Variants in L3MBTL4 observed in about 807,000 individuals in gnomAD.
The protein encoded by L3MBTL4 is lethal(3)malignant brain tumor-like protein 4.
A neutral mutation model predicts 84.5 loss-of-function variants in L3MBTL4; 70 were observed. The observed-to-expected ratio is 0.83, with a 90% CI of 0.68 to 1.01. The LOEUF is 1.01. Ranked by LOEUF, L3MBTL4 falls within the 50% of genes least tolerant of loss-of-function variation. The pLI is 0.00. For missense variants in L3MBTL4, 715 were observed against 754.8 expected (o/e 0.95, Z 0.62); for synonymous variants, 274 against 259.8 (o/e 1.05, Z -0.52).
intron 12 of L3MBTL4, among the ~76,000 whole-genome samples, chr18:6,181,771 C>T (rs1024279954): frequency 2.6e-5 from 4 of 152,120 alleles, no homozygotes; most frequent in African/African-American, 9.7e-5. Flanking sequence ...ATTTGTTTTT[C>T]GGTTTCTATA....
At chr18:6,402,006 C>T (rs1320635308) in intron 1 of L3MBTL4, among the ~76,000 whole-genome samples, 1 of 152,212 alleles carries the variant, frequency 6.6e-6, no homozygotes, top group East Asian at 1.9e-4. Flanking sequence ...TTCTCTAAGC[C>T]CATAGCTTCA....
chr18:6,150,384 T>G (rs1180499000), intron 13 of L3MBTL4, among the ~76,000 whole-genome samples: 1 of 152,096 alleles, frequency 6.6e-6, no homozygotes, highest in Non-Finnish European at 1.5e-5. Context: ...AAGCTGCTTT[T>G]GGGCATTCTT....
intron 13 of L3MBTL4, among the ~76,000 whole-genome samples, chr18:6,161,947 C>A (rs1281277944): frequency 2.7e-5 from 4 of 149,814 alleles, no homozygotes; most frequent in African/African-American, 7.3e-5. Flanking sequence ...ATATATATAT[C>A]TAAGAAAGCT....
At chr18:6,391,417 C>A (rs1399510811) in intron 1 of L3MBTL4, among the ~76,000 whole-genome samples, 1 of 151,912 alleles carries the variant, frequency 6.6e-6, no homozygotes, top group East Asian at 1.9e-4. Context: ...CCCATGAGAC[C>A]AGAACAAGAC....
chr18:5,970,719 GT>G (rs1293991493), intron 16 of L3MBTL4, among the ~76,000 whole-genome samples: 1 of 152,204 alleles, frequency 6.6e-6, no homozygotes, highest in Non-Finnish European at 1.5e-5. Flanking sequence ...ATAATTTAAG[GT>G]CTATTATGAT....
At chr18:6,180,704 A>G (rs1464316993) in intron 12 of L3MBTL4, among the ~76,000 whole-genome samples, 1 of 152,244 alleles carries the variant, frequency 6.6e-6, no homozygotes, top group Non-Finnish European at 1.5e-5. Flanking sequence ...AAATTTATTA[A>G]GCAAAATATG....
chr18:6,311,072 G>A (rs1455680284), intron 3 of L3MBTL4, among the ~76,000 whole-genome samples: 1 of 152,104 alleles, frequency 6.6e-6, no homozygotes, highest in African/African-American at 2.4e-5. Flanking sequence ...TTTCAGACGT[G>A]TCAGCCCCCA....
chr18:6,257,560 T>C (rs1771368588), intron 5 of L3MBTL4, among the ~76,000 whole-genome samples: 1 of 152,194 alleles, frequency 6.6e-6, no homozygotes, highest in Admixed American at 6.5e-5. Context: ...GGGACATTAT[T>C]TTTTCATAAA....
At chr18:6,278,616 C>T (rs1256165923) in intron 4 of L3MBTL4, among the ~76,000 whole-genome samples, 1 of 152,050 alleles carries the variant, frequency 6.6e-6, no homozygotes. Flanking sequence ...AAACTTTCAC[C>T]TTTTTCTGTG....
chr18:6,214,439 GTTTCA>G (rs1417455604), intron 11 of L3MBTL4, among the ~76,000 whole-genome samples: 3 of 152,156 alleles, frequency 2.0e-5, no homozygotes, highest in Non-Finnish European at 4.4e-5. Flanking sequence ...TTGGCAAAAA[GTTTCA>G]CTTTGAAAGC....
At chr18:6,095,691 A>G (rs1388238520) in intron 14 of L3MBTL4, among the ~76,000 whole-genome samples, 1 of 152,142 alleles carries the variant, frequency 6.6e-6, no homozygotes, top group Non-Finnish European at 1.5e-5. Context: ...GAAAATATGA[A>G]GGAAACCATA....
intron 1 of L3MBTL4, among the ~76,000 whole-genome samples, chr18:6,362,380 C>T (rs748415663): frequency 6.6e-5 from 10 of 152,142 alleles, no homozygotes; most frequent in Non-Finnish European, 1.5e-4. Flanking sequence ...GAGACCAGCA[C>T]TAGGAGAGCT....
intron 1 of L3MBTL4, among the ~76,000 whole-genome samples, chr18:6,400,923 T>C (rs2055485429): frequency 6.6e-6 from 1 of 152,146 alleles, no homozygotes; most frequent in Admixed American, 6.5e-5. Flanking sequence ...TAACTCGTGT[T>C]CTCTTCTTGA....
At chr18:6,349,851 G>C (rs773594928) in intron 1 of L3MBTL4, among the ~76,000 whole-genome samples, 1 of 152,182 alleles carries the variant, frequency 6.6e-6, no homozygotes, top group Non-Finnish European at 1.5e-5. Context: ...AGCAAGAAGG[G>C]AGAAGGCTTC....
intron 4 of L3MBTL4, among the ~76,000 whole-genome samples, chr18:6,292,800 A>G (rs343272): frequency 0.25 from 37,491 of 152,006 alleles, 5,706 homozygotes; most frequent in African/African-American, 0.43. Context: ...TTAATCTCTG[A>G]AAGCCTGGCT....
intron 14 of L3MBTL4, among the ~76,000 whole-genome samples, chr18:6,107,009 T>G (rs2059030485): frequency 2.6e-5 from 4 of 152,222 alleles, no homozygotes; most frequent in Admixed American, 2.6e-4. Flanking sequence ...TTATTATAAT[T>G]ATGTATATGT....
chr18:6,375,042 A>T (rs1011550869), intron 1 of L3MBTL4, among the ~76,000 whole-genome samples: 2 of 152,060 alleles, frequency 1.3e-5, no homozygotes, highest in African/African-American at 4.8e-5. Context: ...GCATTGGGAA[A>T]CTCGGGCTGC....
chr18:6,129,368 CTG>C (rs772735191), intron 14 of L3MBTL4, among the ~76,000 whole-genome samples: 4,380 of 138,066 alleles, frequency 0.032, 60 homozygotes, highest in South Asian at 0.04. Context: ...GGAATTCTCT[CTG>C]TGTGTGTGTG....
chr18:6,199,967 A>G (rs1409159263), intron 12 of L3MBTL4, among the ~76,000 whole-genome samples: 1 of 152,218 alleles, frequency 6.6e-6, no homozygotes. Context: ...CAGGCAGGAC[A>G]GGCAGGAATG....
Sources: gnomAD v4.1 joint callset for allele counts (sites outside exome capture counted in the v4.1 genomes callset) on GRCh38, gnomAD v4.1.1 for gene constraint, MANE v1.5 for transcripts, NCBI Gene and HGNC (gene_info 2026-07-23, HGNC 2026-07-21) for gene names.